MYL12A: variants seen among roughly 807,000 people sequenced by gnomAD.
MYL12A encodes the protein myosin light chain 12A, also known as myosin regulatory light chain 12A.
MYL12A carries 11 observed loss-of-function variants against 13.3 expected under a neutral mutation model. The ratio of observed to expected loss-of-function variants is 0.83; its 90% confidence interval spans 0.52 to 1.37. The LOEUF (loss-of-function observed/expected upper bound fraction) is 1.37, where lower values mean the gene tolerates loss of function less well. Among genes scored for constraint, MYL12A ranks in the 40% most tolerant of loss-of-function variants. MYL12A has a pLI of 0.00. For synonymous variants in MYL12A, 51 were observed against 69.9 expected (o/e 0.73, Z 1.35); for missense variants, 146 against 212.3 (o/e 0.69, Z 1.94).
chr18:3,251,745 A>G (rs1662345), intron 1 of MYL12A, among the ~76,000 whole-genome samples: 22,782 of 152,182 alleles, frequency 0.15, 1,801 homozygotes, highest in East Asian at 0.26. Flanking sequence ...CATGAAAGGC[A>G]GCATCCTAAA....
At chr18:3,250,328 A>C (rs1662347) in intron 1 of MYL12A, among the ~76,000 whole-genome samples, 22,820 of 152,240 alleles carry the variant, frequency 0.15, 1,822 homozygotes, top group East Asian at 0.26. Context: ...GTGACAGTCT[A>C]AATTGTTTGA....
chr18:3,252,565 T>TAAACAGAAATCA, intron 1 of MYL12A: 2 of 952,988 alleles, frequency 2.1e-6, no homozygotes, highest in Non-Finnish European at 2.8e-6. Context: ...CTCTGATTTC[T>TAAACAGAAATCA]GTTTAGAGAT....
chr18:3,254,160 ATTTT>A, intron 3 of MYL12A, 110 bp downstream of exon 3: 1 of 1,230,770 alleles, frequency 8.1e-7, no homozygotes, highest in Non-Finnish European at 1.1e-6. Context: ...TACTACACCT[ATTTT>A]TTTAGACAGA....
intron 1 of MYL12A, chr18:3,252,413 G>A (rs2081495414): frequency 1.4e-6 from 2 of 1,419,268 alleles, no homozygotes; most frequent in Non-Finnish European, 1.9e-6. Context: ...ATTGAAAATT[G>A]CCTTTTTATT....
In MYL12A at chr18:3,255,809, A is replaced by T. The variant is rs761095005; in HGVS notation, c.407A>T (p.Glu136Val). Reference sequence around the variant, plus strand: ...ACCATGGGGGATCGGTTTACAGATGAGGAAGTGGATGAGCTGTACAGAGAA... The same window carrying T: ...ACCATGGGGGATCGGTTTACAGATGTGGAAGTGGATGAGCTGTACAGAGAA... ...LTTMGDRFTDEEVDELYREAP... is the reference protein window; with the variant it reads ...LTTMGDRFTDVEVDELYREAP... The change falls in exon 4 of 4, where the codon GAG becomes GTG. Residue 136 changes from glutamate to valine, a missense_variant. Glu to Val is a moderately radical substitution (Grantham distance 121). Transcript: ENST00000217652. 1 of 1,614,152 alleles carries T rather than the reference A, an allele frequency of 6.2e-7. No homozygotes were observed. The highest frequency in any genetic ancestry group is 1.7e-5 in the Admixed American group (1 of 60,008).
Position 3,255,786 on chromosome 18 carries a change from C to T in MYL12A, c.384C>T (p.Thr128=). 1.2e-6 allele frequency: 2 copies of T among 1,613,968 alleles called. No individual in the cohort carries two copies. The highest frequency in any genetic ancestry group is 1.1e-5 in the South Asian group (1 of 91,042). The change falls in exon 4 of 4, where the codon ACC becomes ACT. Residue 128 remains threonine (T), a synonymous_variant. Transcript: ENST00000217652. ...QEDYLRELLT[T]MGDRFTDEEV... is the part of the protein sequence containing the mutation. ...ATTACTTGAGAGAGCTGCTGACAACCATGGGGGATCGGTTTACAGATGAGG... is the reference window on the plus strand; with the variant it reads ...ATTACTTGAGAGAGCTGCTGACAACTATGGGGGATCGGTTTACAGATGAGG...
intron 3 of MYL12A, 31 bp from the exon 4 acceptor site, chr18:3,255,715 G>A (rs2081530192): frequency 2.5e-6 from 4 of 1,596,388 alleles, no homozygotes; most frequent in Non-Finnish European, 3.4e-6. Flanking sequence ...AGAATAGTAT[G>A]TATTCTGATC....
At chr18:3,251,141 C>CAA (rs5822748) in intron 1 of MYL12A, among the ~76,000 whole-genome samples, 2 of 110,240 alleles carry the variant, frequency 1.8e-5, no homozygotes, top group Non-Finnish European at 3.9e-5. Context: ...AGTGCTGACC[C>CAA]AAAAAAAAAA....
intron 1 of MYL12A, among the ~76,000 whole-genome samples, chr18:3,250,080 G>C (rs895878882): frequency 6.9e-6 from 1 of 144,434 alleles, no homozygotes; most frequent in Non-Finnish European, 1.5e-5. Flanking sequence ...GCAATTTCAG[G>C]GGGGAGGGGG....
chr18:3,253,527 G>A, intron 2 of MYL12A, 99 bp downstream of exon 2: 1 of 1,404,144 alleles, frequency 7.1e-7, no homozygotes, highest in Non-Finnish European at 9.8e-7. Context: ...CCTGTCTAAT[G>A]AGTCTACTAA....
At chr18:3,253,582 C>G in intron 2 of MYL12A, 154 bp downstream of exon 2, 2 of 951,680 alleles carry the variant, frequency 2.1e-6, no homozygotes, top group Non-Finnish European at 3.1e-6. Context: ...GGATCACCAG[C>G]AGATTCGTGA....
rs112046970 is a variant in MYL12A at position 3,253,717 on chromosome 18, C to T, written c.182-172C>T. 2.0e-4 allele frequency: 149 copies of T among 755,050 alleles called. 1 individual carries two copies. In the African/African-American group the frequency reaches 2.4e-3, roughly 12 times the overall value. The allele number at this position is 755,050 out of a possible 1,614,324, so 46.8% of individuals were successfully genotyped here. A position where few individuals can be genotyped will look rare whatever the true frequency, so the allele number is the denominator to read the frequency against. Reference sequence around the variant, plus strand: ...TGGACTATCATATACTTTCCAGACTCTTTAATAGGCCCTATTCATTAAGAA... The same window carrying T: ...TGGACTATCATATACTTTCCAGACTTTTTAATAGGCCCTATTCATTAAGAA... On this transcript the variant is annotated intron_variant, in intron 2 of 3. Transcript: ENST00000217652.
At chr18:3,250,742 C>T (rs1023393692) in intron 1 of MYL12A, among the ~76,000 whole-genome samples, 8 of 152,178 alleles carry the variant, frequency 5.3e-5, no homozygotes, top group Non-Finnish European at 8.8e-5. Flanking sequence ...TGATCCCACA[C>T]GGGGTTTTTC....
chr18:3,255,784 A>C lies in MYL12A; in HGVS notation c.382A>C (p.Thr128Pro). 5 of 1,614,062 alleles carry C rather than the reference A, an allele frequency of 3.1e-6. No homozygotes were observed. Among genetic ancestry groups the C allele is most frequent in the Non-Finnish European group, 4.2e-6 (5 of 1,179,984 alleles). Residue 128 changes from threonine to proline, a missense_variant, in exon 4 of 4, where the codon ACC (threonine) becomes CCC (proline). Transcript: ENST00000217652. ...AGATTACTTGAGAGAGCTGCTGACA[A>C]CCATGGGGGATCGGTTTACAGATGA... is the stretch of plus-strand genomic sequence containing the variant. ...QEDYLRELLT[T>P]MGDRFTDEEV...
At chr18:3,254,630 T>G (rs1218335317) in intron 3 of MYL12A, among the ~76,000 whole-genome samples, 1 of 152,276 alleles carries the variant, frequency 6.6e-6, no homozygotes, top group Non-Finnish European at 1.5e-5. Context: ...ATAGGGTTGT[T>G]GTGAGAATTA....
At chr18:3,249,443 G>C (rs1260768155) in intron 1 of MYL12A, 1 of 152,126 alleles carries the variant, frequency 6.6e-6, no homozygotes, top group Non-Finnish European at 1.5e-5. Flanking sequence ...TTAAAAAAAA[G>C]GTTATGCTCC....
chr18:3,255,306 A>G (rs2081525648), intron 3 of MYL12A: 1 of 152,952 alleles, frequency 6.5e-6, no homozygotes, highest in Non-Finnish European at 1.5e-5. Context: ...AGCTTCCGGT[A>G]TTCTTTCCAC....
upstream of MYL12A, chr18:3,247,777 G>T (rs2081443026): frequency 6.6e-6 from 1 of 152,248 alleles, no homozygotes; most frequent in African/African-American, 2.4e-5. Flanking sequence ...CAAGAAAGGT[G>T]ACCGGGCTTC....
At position 3,256,131 on chromosome 18, in the gene MYL12A, C is replaced by T. The variant is rs1425335055; in HGVS notation, c.*213C>T. 6.6e-6 allele frequency: 4 copies of T among 604,956 alleles called. No individual in the cohort carries two copies. The highest frequency in any genetic ancestry group is 8.4e-6 in the Non-Finnish European group (3 of 355,334). The allele number at this position is 604,956 out of a possible 1,614,324, so 37.5% of individuals were successfully genotyped here. On this transcript the variant is annotated 3_prime_UTR_variant, in exon 4 of 4. Transcript: ENST00000217652. ...AAAATAGGATAATTTAACCTACCAG[C>T]CCTTCTCCCCCAATAACTGTGGTCT...
Sources: gnomAD v4.1 joint callset for allele counts (sites outside exome capture counted in the v4.1 genomes callset) on GRCh38, gnomAD v4.1.1 for gene constraint, MANE v1.5 for transcripts, NCBI Gene and HGNC (gene_info 2026-07-23, HGNC 2026-07-21) for gene names.